Variants in CEP63 observed in about 807,000 individuals in gnomAD.
The protein encoded by CEP63 is centrosomal protein 63, also known as centrosomal protein of 63 kDa.
In CEP63, 84 loss-of-function variants were observed where a neutral mutation model predicts 89.1. The observed-to-expected ratio is 0.94, with a 90% CI of 0.79 to 1.13. The LOEUF is 1.13. CEP63 is among the 50% of genes most tolerant of loss of function. CEP63 has a pLI of 0.00. For missense variants in CEP63, 838 were observed against 813.3 expected, an observed-to-expected ratio of 1.03 and a Z score of -0.37; for synonymous variants, 267 against 272.5, an observed-to-expected ratio of 0.98 and a Z score of 0.20.
the CEP63 span, among the ~76,000 whole-genome samples, chr3:134,733,253 C>T: frequency 6.6e-6 from 1 of 151,976 alleles, no homozygotes; most frequent in Admixed American, 6.6e-5. Context: ...CTGATGGAAC[C>T]ATGAACAATC....
the CEP63 span, among the ~76,000 whole-genome samples, chr3:134,686,400 G>A: frequency 1.3e-5 from 2 of 152,204 alleles, no homozygotes; most frequent in Admixed American, 6.5e-5. Context: ...GGAGGGGCTG[G>A]AGAGCTCAGG....
At chr3:134,713,787 T>G in the CEP63 span, among the ~76,000 whole-genome samples, 1 of 152,230 alleles carries the variant, frequency 6.6e-6, no homozygotes, top group Admixed American at 6.5e-5. Context: ...TAGGTGAACT[T>G]GGTGAGCTAC....
At chr3:134,520,886 G>GT (rs1390861296) in intron 3 of CEP63, among the ~76,000 whole-genome samples, 3 of 152,122 alleles carry the variant, frequency 2.0e-5, no homozygotes, top group African/African-American at 7.2e-5. Flanking sequence ...ATTCTAGATG[G>GT]ATTACGAATT....
the CEP63 span, among the ~76,000 whole-genome samples, chr3:134,619,505 TAGG>T: frequency 1.3e-5 from 2 of 152,206 alleles, no homozygotes; most frequent in African/African-American, 2.4e-5. Context: ...GAGGAGGGGC[TAGG>T]AGGAGAAGGG....
chr3:134,604,358 C>G, the CEP63 span: 15 of 1,614,044 alleles, frequency 9.3e-6, no homozygotes, highest in Non-Finnish European at 1.3e-5. Context: ...GGGTACACCT[C>G]CAACTTCATC....
chr3:134,511,929 C>G (rs983345155), intron 3 of CEP63, among the ~76,000 whole-genome samples: 1 of 152,160 alleles, frequency 6.6e-6, no homozygotes, highest in African/African-American at 2.4e-5. Context: ...AGGTACAGAC[C>G]TAGAAGCACT....
At chr3:134,645,039 T>A in the CEP63 span, among the ~76,000 whole-genome samples, 1 of 152,196 alleles carries the variant, frequency 6.6e-6, no homozygotes, top group African/African-American at 2.4e-5. Flanking sequence ...GGGAAGGGAA[T>A]CCTCAAGGAG....
At chr3:134,599,473 C>T in the CEP63 span, among the ~76,000 whole-genome samples, 1 of 152,158 alleles carries the variant, frequency 6.6e-6, no homozygotes, top group Non-Finnish European at 1.5e-5. Context: ...CTGTATTTCT[C>T]TAAATGTCTA....
the CEP63 span, among the ~76,000 whole-genome samples, chr3:134,775,683 TG>T: frequency 6.0e-4 from 91 of 152,224 alleles, 1 homozygote; most frequent in South Asian, 7.1e-3. Flanking sequence ...ATGGGAGACA[TG>T]TTTATCCAGA....
chr3:134,506,359 T>C (rs1300834554), intron 2 of CEP63, among the ~76,000 whole-genome samples: 1 of 152,218 alleles, frequency 6.6e-6, no homozygotes, highest in African/African-American at 2.4e-5. Flanking sequence ...AATTGTATTA[T>C]CACTTTCCTG....
intron 12 of CEP63, among the ~76,000 whole-genome samples, chr3:134,557,117 T>A (rs996011433): frequency 3.3e-5 from 5 of 152,138 alleles, no homozygotes; most frequent in African/African-American, 1.2e-4. Context: ...ATTACCTAAT[T>A]ATCTTAATAA....
the CEP63 span, among the ~76,000 whole-genome samples, chr3:134,628,569 T>G: frequency 6.6e-6 from 1 of 152,332 alleles, no homozygotes; most frequent in East Asian, 1.9e-4. Flanking sequence ...CTCCATTTAT[T>G]TCTCACACCT....
the CEP63 span, among the ~76,000 whole-genome samples, chr3:134,721,311 A>G: frequency 2.0e-5 from 3 of 152,090 alleles, no homozygotes; most frequent in African/African-American, 7.2e-5. Context: ...GTTGATTGTA[A>G]TATATTGACC....
chr3:134,688,245 A>G, the CEP63 span, among the ~76,000 whole-genome samples: 9 of 152,348 alleles, frequency 5.9e-5, no homozygotes, highest in South Asian at 1.2e-3. Flanking sequence ...AAGAGGAATG[A>G]AGTATGGATC....
chr3:134,716,170 G>T, the CEP63 span, among the ~76,000 whole-genome samples: 1 of 152,118 alleles, frequency 6.6e-6, no homozygotes, highest in African/African-American at 2.4e-5. Flanking sequence ...TGTTTTATAA[G>T]ATTCCATTAA....
At chr3:134,755,217 C>T in the CEP63 span, among the ~76,000 whole-genome samples, 2 of 105,416 alleles carry the variant, frequency 1.9e-5, no homozygotes, top group African/African-American at 6.4e-5. Context: ...TTCCAGAGGC[C>T]AGAGCCCTGA....
the CEP63 span, among the ~76,000 whole-genome samples, chr3:134,623,931 G>A: frequency 4.6e-5 from 7 of 152,062 alleles, no homozygotes; most frequent in South Asian, 2.1e-4. Flanking sequence ...TATGATGCCC[G>A]TCCTATGGCT....
At chr3:134,715,978 C>CCT in the CEP63 span, among the ~76,000 whole-genome samples, 1 of 149,458 alleles carries the variant, frequency 6.7e-6, no homozygotes, top group Non-Finnish European at 1.5e-5. Context: ...CTTTCAAAGA[C>CCT]TTTTTTTTTT....
At chr3:134,610,184 C>G in the CEP63 span, 1 of 1,609,314 alleles carries the variant, frequency 6.2e-7, no homozygotes, top group Non-Finnish European at 8.5e-7. Context: ...AGAACTGAGA[C>G]AAGTACTTAC....
Sources: allele counts gnomAD v4.1 joint callset (sites outside exome capture counted in the v4.1 genomes callset), GRCh38; gene constraint gnomAD v4.1.1; transcripts MANE v1.5; gene names NCBI Gene and HGNC (gene_info 2026-07-23, HGNC 2026-07-21).